The following INO80 variants were observed in gnomAD, a reference collection of about 807,000 sequenced individuals.
INO80 encodes the protein chromatin-remodeling ATPase INO80.
INO80 carries 20 observed loss-of-function variants against 203.4 expected under a neutral mutation model. The ratio of observed to expected loss-of-function variants is 0.10; its 90% CI spans 0.07 to 0.14. The LOEUF (loss-of-function observed/expected upper bound fraction) is 0.14. Among genes scored for constraint, INO80 ranks in the 10% least tolerant of loss-of-function variants. INO80 has a pLI of 1.00. For synonymous variants in INO80, 726 were observed against 685.2 expected (o/e 1.06, Z -0.93); for missense variants, 1,419 against 1,914.4 (o/e 0.74, Z 4.83).
intron 12 of INO80, among the ~76,000 whole-genome samples, chr15:41,071,067 G>A (rs531159011): frequency 1.3e-5 from 2 of 152,110 alleles, no homozygotes; most frequent in Non-Finnish European, 2.9e-5. Flanking sequence ...TATTCTGGGG[G>A]CTGAGGCAGG....
At chr15:41,089,444 C>T (rs934215653) in intron 5 of INO80, among the ~76,000 whole-genome samples, 1 of 152,092 alleles carries the variant, frequency 6.6e-6, no homozygotes, top group Non-Finnish European at 1.5e-5. Flanking sequence ...TACAACGTTC[C>T]ACACTTGTAG....
intron 29 of INO80, among the ~76,000 whole-genome samples, chr15:40,995,069 T>C (rs2043864540): frequency 6.6e-6 from 1 of 152,192 alleles, no homozygotes; most frequent in Non-Finnish European, 1.5e-5. Flanking sequence ...CAGGCCAGGC[T>C]GGTCTTGAAC....
At chr15:41,026,824 G>C (rs2044382116) in intron 25 of INO80, among the ~76,000 whole-genome samples, 1 of 152,176 alleles carries the variant, frequency 6.6e-6, no homozygotes, top group Middle Eastern at 3.2e-3. Context: ...GATCAACATG[G>C]ATAAAAAAGA....
intron 24 of INO80, among the ~76,000 whole-genome samples, chr15:41,043,170 A>ATATCTC (rs1444826251): frequency 2.0e-5 from 3 of 152,238 alleles, no homozygotes; most frequent in African/African-American, 7.2e-5. Flanking sequence ...TGAGTGATGC[A>ATATCTC]TATCTCTAGC....
chr15:41,099,952 C>G (rs906388995), intron 1 of INO80, among the ~76,000 whole-genome samples: 2 of 152,136 alleles, frequency 1.3e-5, no homozygotes, highest in Middle Eastern at 3.2e-3. Flanking sequence ...TGCTTGGCTC[C>G]ATCCCAAGCT....
intron 23 of INO80, 94 bp downstream of exon 23, chr15:41,047,314 T>A: frequency 1.2e-6 from 1 of 800,320 alleles, no homozygotes; most frequent in Non-Finnish European, 2.0e-6. Context: ...TTCTCTAAGA[T>A]GATATCATAT....
chr15:41,056,084 C>A (rs560471838), intron 17 of INO80, among the ~76,000 whole-genome samples: 1 of 151,626 alleles, frequency 6.6e-6, no homozygotes, highest in Non-Finnish European at 1.5e-5. Context: ...GCTAAGACTA[C>A]AGGCATGCAC....
chr15:41,063,907 TAC>T (rs1175242022), intron 14 of INO80, among the ~76,000 whole-genome samples: 2 of 151,992 alleles, frequency 1.3e-5, no homozygotes, highest in Admixed American at 1.3e-4. Flanking sequence ...TATCAGAAAA[TAC>T]AGACTTTTAG....
In INO80 at chr15:41,092,087, G is replaced by A; in HGVS notation, c.477C>T (p.Asn159=). 1.2e-6 allele frequency: 2 copies of A among 1,612,318 alleles called. No individual in the cohort carries two copies. The highest frequency in any genetic ancestry group is 1.1e-5 in the South Asian group (1 of 91,024). The change falls in exon 5 of 36, where the codon AAC becomes AAT. Residue 159 remains asparagine (N), a synonymous_variant. Transcript: ENST00000648947. ...ELNLSREELH[N]MLRLHKYKKL... is the part of the protein sequence containing the mutation. ...TCTTATATTTGTGTAGTCGAAGCAT[G>A]TTGTGAAGTTCTTCTCTGCTGAGAT...
chr15:41,051,408 C>T (rs556376308), intron 19 of INO80, among the ~76,000 whole-genome samples: 2 of 151,696 alleles, frequency 1.3e-5, no homozygotes, highest in East Asian at 3.9e-4. Context: ...CCTAGCAAAA[C>T]TATAGTAAGA....
In INO80 at chr15:41,058,570, C is replaced by CGTGTGT; in HGVS notation, c.1985+63_1985+68dup. 2.6e-5 allele frequency: 14 copies of CGTGTGT among 542,726 alleles called. No individual in the cohort carries two copies. In the South Asian group the frequency reaches 2.6e-4, roughly 10 times the overall value. 33.6% of individuals were successfully genotyped at this position (542,726 alleles called of 1,614,324 possible). A position where few individuals can be genotyped will look rare whatever the true frequency, so the allele number is the denominator to read the frequency against. ...ACAAGTCTGTGTGTGTGTGTGTGTG[C>CGTGTGT]GTGTGTGTGTGTGTGTGTGTGTGTA... On this transcript the variant is annotated intron_variant, in intron 16 of 35. Transcript: ENST00000648947.
intron 4 of INO80, among the ~76,000 whole-genome samples, chr15:41,092,830 G>A (rs1347730278): frequency 1.3e-5 from 2 of 152,182 alleles, no homozygotes; most frequent in South Asian, 4.1e-4. Context: ...GCCCAGGCAT[G>A]AGGATTGCTT....
chr15:41,055,397 G>A, intron 17 of INO80, 33 bp from the exon 18 acceptor site: 1 of 1,424,174 alleles, frequency 7.0e-7, no homozygotes, highest in Non-Finnish European at 9.8e-7. Context: ...AATAGCTATA[G>A]AGCAATAAAA....
intron 25 of INO80, among the ~76,000 whole-genome samples, chr15:41,025,344 T>TA (rs1432269252): frequency 1.1e-4 from 16 of 152,128 alleles, no homozygotes; most frequent in Non-Finnish European, 1.9e-4. Flanking sequence ...CTCCAAGTGG[T>TA]AAAAAATGAA....
chr15:40,989,169 A>G (rs1269672546), intron 29 of INO80, among the ~76,000 whole-genome samples: 2 of 152,180 alleles, frequency 1.3e-5, no homozygotes, highest in East Asian at 1.9e-4. Flanking sequence ...ACAAGAGAGA[A>G]ACTCTGTCAC....
chr15:41,097,058 T>C (rs1318237411), intron 1 of INO80, among the ~76,000 whole-genome samples: 19 of 150,230 alleles, frequency 1.3e-4, no homozygotes, highest in Admixed American at 1.2e-3. Flanking sequence ...AATCACACAA[T>C]CAGTATAACA....
chr15:41,009,101 G>A (rs1185787094), intron 27 of INO80, among the ~76,000 whole-genome samples: 1 of 152,144 alleles, frequency 6.6e-6, no homozygotes, highest in Non-Finnish European at 1.5e-5. Flanking sequence ...CAAAGTGCTG[G>A]GATTGCAGGC....
intron 12 of INO80, among the ~76,000 whole-genome samples, chr15:41,071,371 T>G (rs2045311686): frequency 6.6e-6 from 1 of 152,106 alleles, no homozygotes; most frequent in South Asian, 2.1e-4. Context: ...CATTAGGTAT[T>G]TCTCCTACTG....
intron 8 of INO80, 51 bp downstream of exon 8, chr15:41,080,969 G>T (rs762623344): frequency 1.7e-6 from 2 of 1,194,288 alleles, no homozygotes; most frequent in South Asian, 1.2e-5. Context: ...CAAAGAAGAA[G>T]AATATATTCC....
Sources: allele counts gnomAD v4.1 joint callset (sites outside exome capture counted in the v4.1 genomes callset), GRCh38; gene constraint gnomAD v4.1.1; transcripts MANE v1.5; gene names NCBI Gene and HGNC (gene_info 2026-07-23, HGNC 2026-07-21).